The following DCDC1 variants were observed in gnomAD, a reference collection of about 807,000 sequenced individuals.
DCDC1 encodes doublecortin domain containing 1.
In DCDC1, 200 loss-of-function variants were observed where a neutral mutation model predicts 178.3. The ratio of observed to expected loss-of-function variants is 1.12; its 90% CI spans 1.00 to 1.26. The LOEUF is 1.26. Among genes scored for constraint, DCDC1 ranks in the 50% most tolerant of loss-of-function variants. The probability of loss-of-function intolerance (pLI) is 0.00; values close to 1 mark genes in which losing one functional copy is unlikely to be tolerated. For synonymous variants in DCDC1, 690 were observed against 604.8 expected (o/e 1.14, Z -2.07); for missense variants, 1,983 against 1,749.2 (o/e 1.13, Z -2.38).
At chr11:31,093,466 C>T (rs1957940356) in intron 16 of DCDC1, among the ~76,000 whole-genome samples, 1 of 152,084 alleles carries the variant, frequency 6.6e-6, no homozygotes, top group South Asian at 2.1e-4. Flanking sequence ...TACATATTTA[C>T]AAAATGTACT....
chr11:31,183,111 A>C (rs1337678426), intron 9 of DCDC1, among the ~76,000 whole-genome samples: 1 of 152,210 alleles, frequency 6.6e-6, no homozygotes, highest in Non-Finnish European at 1.5e-5. Flanking sequence ...GCAAGTTCTT[A>C]GAGATCTACG....
At chr11:30,964,119 A>G (rs1949286176) in intron 20 of DCDC1, among the ~76,000 whole-genome samples, 1 of 152,156 alleles carries the variant, frequency 6.6e-6, no homozygotes, top group African/African-American at 2.4e-5. Context: ...TAGGGTGTGC[A>G]GTGCCCTGCA....
Position 31,305,762 on chromosome 11 carries a change from T to G in DCDC1, c.607A>C (p.Thr203Pro), listed in dbSNP as rs1454019069. ...GCCATGTTCAGATTCAGCTTTTCTG[T>G]GCACTCCTCCAGCAGCTAGAAGAAA... ...PTITLLLEEC[T>P]EKLNLNMAAR... is the part of the protein sequence containing the mutation. The change falls in exon 6 of 39, where the codon ACA becomes CCA. Residue 203 changes from threonine (T) to proline (P), a missense_variant. Coordinates refer to ENST00000684477, the MANE Select transcript of DCDC1 (RefSeq NM_001387274.1). 1.2e-6 allele frequency: 2 copies of G among 1,613,550 alleles called. No homozygotes were observed. The highest frequency in any genetic ancestry group is 2.2e-5 in the East Asian group (1 of 44,858).
intron 8 of DCDC1, among the ~76,000 whole-genome samples, chr11:31,256,927 T>C (rs952396601): frequency 6.6e-6 from 1 of 152,184 alleles, no homozygotes; most frequent in African/African-American, 2.4e-5. Flanking sequence ...TTAGCTCTAC[T>C]AGCTGATCAT....
intron 18 of DCDC1, among the ~76,000 whole-genome samples, chr11:31,070,780 C>T (rs1956510644): frequency 6.6e-6 from 1 of 152,128 alleles, no homozygotes; most frequent in Non-Finnish European, 1.5e-5. Context: ...TGGATCATCT[C>T]CATCACTCCC....
chr11:30,952,550 T>A lies in DCDC1; in HGVS notation c.2610A>T (p.Glu870Asp). The part of the protein sequence containing the change: ...ASAQRWAIKH[E>D]GTSKPGQWKH... The stretch of plus-strand genomic sequence containing the variant: ...TCCACTGGCCTGGCTTACTGGTTCC[T>A]TCATGTTTTATGGCCCACCTAAAAC... The change falls in exon 21 of 39, where the codon GAA becomes GAT. Residue 870 changes from glutamate to aspartate, a missense_variant. By Grantham distance (45) the Glu-to-Asp change is conservative (BLOSUM62 2). Transcript: ENST00000684477. The A allele has an allele frequency of 6.7e-7, 1 of 1,502,818 alleles. No individual in the cohort carries two copies. The highest frequency in any genetic ancestry group is 1.4e-5 in the African/African-American group (1 of 73,194). 93.1% of individuals were successfully genotyped at this position (1,502,818 alleles called of 1,614,324 possible).
At chr11:30,964,127 G>A (rs980334287) in intron 20 of DCDC1, among the ~76,000 whole-genome samples, 1 of 152,088 alleles carries the variant, frequency 6.6e-6, no homozygotes, top group African/African-American at 2.4e-5. Context: ...GCAGTGCCCT[G>A]CAAAGATAGT....
chr11:31,264,446 G>T (rs1054555497), intron 8 of DCDC1, among the ~76,000 whole-genome samples: 108 of 152,200 alleles, frequency 7.1e-4, no homozygotes, highest in African/African-American at 2.5e-3. Context: ...AGAGAGGGAG[G>T]CAGAAAGAGA....
chr11:31,052,127 CACATAA>C (rs1203229103), intron 20 of DCDC1, among the ~76,000 whole-genome samples: 1 of 152,110 alleles, frequency 6.6e-6, no homozygotes, highest in Non-Finnish European at 1.5e-5. Flanking sequence ...CATAAGAACT[CACATAA>C]ACATAAAGTA....
At chr11:31,167,386 T>G (rs191076362) in intron 9 of DCDC1, among the ~76,000 whole-genome samples, 1 of 152,184 alleles carries the variant, frequency 6.6e-6, no homozygotes, top group Admixed American at 6.5e-5. Context: ...ACTTTTCATT[T>G]GTCAGGTATT....
chr11:31,020,168 G>A (rs1952772570), intron 20 of DCDC1, among the ~76,000 whole-genome samples: 1 of 152,144 alleles, frequency 6.6e-6, no homozygotes. Flanking sequence ...AGTATTGTCA[G>A]TTGAATAAAT....
At chr11:31,209,175 T>A (rs1331258830) in intron 9 of DCDC1, among the ~76,000 whole-genome samples, 1 of 152,138 alleles carries the variant, frequency 6.6e-6, no homozygotes, top group Non-Finnish European at 1.5e-5. Flanking sequence ...AATACAAAAT[T>A]TGCAGTCACT....
chr11:30,927,599 C>A (rs1000564638), intron 22 of DCDC1, among the ~76,000 whole-genome samples: 4 of 152,086 alleles, frequency 2.6e-5, no homozygotes, highest in Non-Finnish European at 5.9e-5. Flanking sequence ...TCCTTTGCCT[C>A]CTAATCCAGT....
chr11:31,255,473 CTG>C (rs374745350), intron 8 of DCDC1, among the ~76,000 whole-genome samples: 3 of 151,390 alleles, frequency 2.0e-5, no homozygotes, highest in Non-Finnish European at 2.9e-5. Context: ...TTGTTATTCT[CTG>C]TGTGTGTGTG....
chr11:31,144,678 T>G (rs924704554), intron 9 of DCDC1, among the ~76,000 whole-genome samples: 1 of 152,168 alleles, frequency 6.6e-6, no homozygotes, highest in Non-Finnish European at 1.5e-5. Context: ...TTTTTTTCTA[T>G]GTATTTTCTT....
chr11:31,220,577 T>A (rs1025025326), intron 9 of DCDC1, among the ~76,000 whole-genome samples: 9 of 152,228 alleles, frequency 5.9e-5, no homozygotes, highest in African/African-American at 1.9e-4. Context: ...AAAAATCAGA[T>A]GCATTATGTT....
intron 34 of DCDC1, among the ~76,000 whole-genome samples, chr11:30,898,661 G>A (rs1944418697): frequency 6.6e-6 from 1 of 152,164 alleles, no homozygotes; most frequent in African/African-American, 2.4e-5. Context: ...CTAGCAGTAG[G>A]AGTGGTAGAA....
chr11:30,970,402 C>T, intron 20 of DCDC1, among the ~76,000 whole-genome samples: 1 of 152,134 alleles, frequency 6.6e-6, no homozygotes, highest in East Asian at 1.9e-4. Flanking sequence ...TTGACATCTC[C>T]CACTTGCAGC....
intron 7 of DCDC1, among the ~76,000 whole-genome samples, chr11:31,273,701 A>G (rs964843127): frequency 5.3e-5 from 8 of 152,172 alleles, no homozygotes; most frequent in African/African-American, 1.9e-4. Context: ...AGGTATCTAC[A>G]GCAGCACCCC....
Sources: allele counts gnomAD v4.1 joint callset (sites outside exome capture counted in the v4.1 genomes callset), GRCh38; gene constraint gnomAD v4.1.1; transcripts MANE v1.5; gene names NCBI Gene and HGNC (gene_info 2026-07-23, HGNC 2026-07-21).